KCNK12: variants seen among roughly 807,000 people sequenced by gnomAD.
The protein encoded by KCNK12 is potassium two pore domain channel subfamily K member 12.
Under a neutral mutation model 25.3 loss-of-function variants are expected in KCNK12, and 6 were observed. The ratio of observed to expected loss-of-function variants is 0.24; its 90% CI spans 0.13 to 0.47. The LOEUF is 0.47. KCNK12 is among the 20% of genes least tolerant of loss of function. The probability of loss-of-function intolerance (pLI) is 0.99; values close to 1 mark genes in which losing one functional copy is unlikely to be tolerated. For synonymous variants in KCNK12, 331 were observed against 311.1 expected (o/e 1.06, Z -0.67); for missense variants, 444 against 661.7 (o/e 0.67, Z 3.61).
chr2:47,554,825 G>T (rs750145666), intron 1 of KCNK12, among the ~76,000 whole-genome samples: 3 of 152,254 alleles, frequency 2.0e-5, no homozygotes, highest in Non-Finnish European at 4.4e-5. Context: ...AAATGATGGT[G>T]ACAGCTGGAG....
In KCNK12 at chr2:47,538,168, C is replaced by G. The variant is rs1669116227; in HGVS notation, c.392-16360G>C. On this transcript the variant is annotated intron_variant, in intron 1 of 1. Transcript: ENST00000327876. This position sits in a 1 kb window ranked among gnomAD's most constrained non-coding sequence, Gnocchi z 4.5. Reference sequence around the variant, plus strand: ...TAGGCCCTTGGGATTCAACAGTGATCTAAAAGACAAAGTCCCCTACCCTCA... The same window carrying G: ...TAGGCCCTTGGGATTCAACAGTGATGTAAAAGACAAAGTCCCCTACCCTCA... Among the ~76,000 whole-genome samples, 1 of 152,184 alleles carries G rather than the reference C, an allele frequency of 6.6e-6. No homozygotes were observed. Among genetic ancestry groups the G allele is most frequent in the Non-Finnish European group, 1.5e-5 (1 of 68,030 alleles).
chr2:47,523,357 G>T (rs1668702187), intron 1 of KCNK12, among the ~76,000 whole-genome samples: 1 of 152,196 alleles, frequency 6.6e-6, no homozygotes, highest in South Asian at 2.1e-4. Context: ...CTCAACCAAG[G>T]ATCACCATCA....
In KCNK12 at chr2:47,562,324, A is replaced by T. The variant is rs972152209; in HGVS notation, c.391+7617T>A. ...ACATTGTAAAATCTGCAATTACAAG[A>T]TTCTGGATGCTTCATCCTGAGGTCA... On this transcript the variant is annotated intron_variant, in intron 1 of 1. Transcript: ENST00000327876. The surrounding 1 kb of genome is among the most constrained non-coding windows in gnomAD (Gnocchi z 4.8). 3 of 386,938 alleles carry T rather than the reference A, an allele frequency of 7.8e-6. No homozygotes were observed. The highest frequency in any genetic ancestry group is 1.4e-5 in the Non-Finnish European group (3 of 219,262). 24.0% of individuals were successfully genotyped at this position (386,938 alleles called of 1,614,324 possible). A position where few individuals can be genotyped will look rare whatever the true frequency, so the allele number is the denominator to read the frequency against.
chr2:47,544,082 C>G (rs962802696), intron 1 of KCNK12, among the ~76,000 whole-genome samples: 1 of 152,210 alleles, frequency 6.6e-6, no homozygotes, highest in Non-Finnish European at 1.5e-5. Flanking sequence ...TGTCTCCTCT[C>G]TTTCTATTGG....
At chr2:47,521,887 C>T in intron 1 of KCNK12, 79 bp from the exon 2 acceptor site, 4 of 270,722 alleles carry the variant, frequency 1.5e-5, no homozygotes, top group Non-Finnish European at 2.6e-5. Flanking sequence ...GGTGTGGGGG[C>T]GGGGGCATGC....
chr2:47,526,219 AC>A (rs1668767736), intron 1 of KCNK12, among the ~76,000 whole-genome samples: 2 of 130,062 alleles, frequency 1.5e-5, no homozygotes, highest in Admixed American at 1.6e-4. Flanking sequence ...ATATGCAAAA[AC>A]CCCGTCTCTC....
In KCNK12 at chr2:47,569,539, G is replaced by A. The variant is rs548570069; in HGVS notation, c.391+402C>T. The stretch of plus-strand genomic sequence containing the variant: ...GGAGACTATGAAAAGAAATAAAAGC[G>A]CCGAGGGTGGAGGGAGAAGGGGCTT... On this transcript the variant is annotated intron_variant, in intron 1 of 1. Coordinates refer to ENST00000327876, the MANE Select transcript of KCNK12 (RefSeq NM_022055.2). The surrounding 1 kb of genome is among the most constrained non-coding windows in gnomAD (Gnocchi z 4.1). Among the ~76,000 whole-genome samples the A allele has an allele frequency of 6.6e-6, 1 of 152,190 alleles. No individual in the cohort carries two copies. Among genetic ancestry groups the A allele is most frequent in the Admixed American group, 6.5e-5 (1 of 15,290 alleles).
Position 47,519,518 on chromosome 2 carries a change from C to A in KCNK12, c.*1389G>T, listed in dbSNP as rs1287760759. 1 of 152,334 alleles carries A rather than the reference C, an allele frequency of 6.6e-6. No homozygotes were observed. Among genetic ancestry groups the A allele is most frequent in the East Asian group, 1.9e-4 (1 of 5,182 alleles). 9.4% of individuals were successfully genotyped at this position (152,334 alleles called of 1,614,324 possible). On this transcript the variant is annotated 3_prime_UTR_variant, in exon 2 of 2. Coordinates refer to ENST00000327876, the MANE Select transcript of KCNK12 (RefSeq NM_022055.2). The stretch of plus-strand genomic sequence containing the variant: ...TGGGCAGAGAGAGTGTTCGTTTACA[C>A]CCCCAGACCACTATCCTTTCAATGA...
chr2:47,512,679 T>C lies in KCNK12; in HGVS notation c.*8228A>G. The C allele has an allele frequency of 2.3e-6, 1 of 431,642 alleles. No homozygotes were observed. The highest frequency in any genetic ancestry group is 4.0e-5 in the East Asian group (1 of 24,822). 26.7% of individuals were successfully genotyped at this position (431,642 alleles called of 1,614,324 possible). A position where few individuals can be genotyped will look rare whatever the true frequency, so the allele number is the denominator to read the frequency against. On this transcript the variant is annotated 3_prime_UTR_variant, in exon 2 of 2. Transcript: ENST00000327876. The stretch of plus-strand genomic sequence containing the variant: ...TTGTACACCCACTGCCTCTGAACTC[T>C]GCTCTGCATTGCTGAGCAAACTACA...
chr2:47,562,811 CAG>C lies in KCNK12; in HGVS notation c.391+7128_391+7129del, dbSNP rs1170123222. 1.4e-4 allele frequency: 33 copies of C among 233,124 alleles called. No homozygotes were observed. The highest frequency in any genetic ancestry group is 2.6e-4 in the Non-Finnish European group (31 of 118,030). The allele number at this position is 233,124 out of a possible 1,614,324, so 14.4% of individuals were successfully genotyped here. On this transcript the variant is annotated intron_variant, in intron 1 of 1. Transcript: ENST00000327876. The surrounding 1 kb of genome is among the most constrained non-coding windows in gnomAD (Gnocchi z 4.8). ...CAACTCTCCCCGTGTAGAAACTCTGCAGAGAGTATGACCGTGTCTCTTAAAAA... is the reference window on the plus strand; with the variant it reads ...CAACTCTCCCCGTGTAGAAACTCTGCAGAGTATGACCGTGTCTCTTAAAAA...
In KCNK12 at chr2:47,560,899, C is replaced by G. The variant is rs1314117341; in HGVS notation, c.391+9042G>C. On this transcript the variant is annotated intron_variant, in intron 1 of 1. Coordinates refer to ENST00000327876, the MANE Select transcript of KCNK12 (RefSeq NM_022055.2). This position sits in a 1 kb window ranked among gnomAD's most constrained non-coding sequence, Gnocchi z 4.7. The stretch of plus-strand genomic sequence containing the variant: ...GCCTCCCCTGGCCCCAGATCCTGTC[C>G]TGCTCCGGGAGGCTTCTGCCTGGGA... Among the ~76,000 whole-genome samples the G allele has an allele frequency of 6.6e-6, 1 of 152,196 alleles. No individual in the cohort carries two copies. Among genetic ancestry groups the G allele is most frequent in the Non-Finnish European group, 1.5e-5 (1 of 68,038 alleles).
intron 1 of KCNK12, chr2:47,564,940 G>A (rs1669760317): frequency 6.6e-6 from 1 of 152,066 alleles, no homozygotes; most frequent in Non-Finnish European, 1.5e-5. Context: ...GGCTGGGGTA[G>A]CAGGATTGCT....
chr2:47,529,280 G>A lies in KCNK12; in HGVS notation c.392-7472C>T, dbSNP rs1668272983. On this transcript the variant is annotated intron_variant, in intron 1 of 1. Coordinates refer to ENST00000327876, the MANE Select transcript of KCNK12 (RefSeq NM_022055.2). The surrounding 1 kb of genome is among the most constrained non-coding windows in gnomAD (Gnocchi z 4.3). The stretch of plus-strand genomic sequence containing the variant: ...ACATGATTAAAATGCAGATTCCATG[G>A]CAGGTCCCGCTCAGAGGTTTATTTA... 1 of 152,204 alleles carries A rather than the reference G, an allele frequency of 6.6e-6. No individual in the cohort carries two copies. Among genetic ancestry groups the A allele is most frequent in the African/African-American group, 2.4e-5 (1 of 41,446 alleles). 9.4% of individuals were successfully genotyped at this position (152,204 alleles called of 1,614,324 possible). A position where few individuals can be genotyped will look rare whatever the true frequency, so the allele number is the denominator to read the frequency against.
chr2:47,509,533 G>A lies in KCNK12; in HGVS notation c.*11374C>T, dbSNP rs962786124. Among the ~76,000 whole-genome samples, 3 of 152,248 alleles carry A rather than the reference G, an allele frequency of 2.0e-5. No homozygotes were observed. Among genetic ancestry groups the A allele is most frequent in the African/African-American group, 2.4e-5 (1 of 41,462 alleles). Reference sequence around the variant, plus strand: ...GCCTGCTGTGTGCAGATGGTACCTGGTGCAGGATTGTGGTGTCCAGGTGTC... The same window carrying A: ...GCCTGCTGTGTGCAGATGGTACCTGATGCAGGATTGTGGTGTCCAGGTGTC... On this transcript the variant is annotated 3_prime_UTR_variant, in exon 2 of 2. Transcript: ENST00000327876.
At chr2:47,545,424 A>G (rs1299406515) in intron 1 of KCNK12, among the ~76,000 whole-genome samples, 1 of 152,220 alleles carries the variant, frequency 6.6e-6, no homozygotes, top group Non-Finnish European at 1.5e-5. Context: ...CCTGAAAGAA[A>G]CCAGGGAGGC....
intron 1 of KCNK12, among the ~76,000 whole-genome samples, chr2:47,558,809 G>A (rs1669602266): frequency 1.3e-5 from 2 of 152,248 alleles, no homozygotes; most frequent in African/African-American, 4.8e-5. Context: ...TGGAGGCATT[G>A]TGATGGTGCT....
At chr2:47,541,196 C>T (rs147902976) in intron 1 of KCNK12, among the ~76,000 whole-genome samples, 8 of 152,284 alleles carry the variant, frequency 5.3e-5, no homozygotes, top group African/African-American at 7.2e-5. Context: ...TTCATCCCTC[C>T]CTCTTTCCCT....
At position 47,556,104 on chromosome 2, in the gene KCNK12, G is replaced by A. The variant is rs971709506; in HGVS notation, c.391+13837C>T. ...GACTACTCTTCTCAGAAGCTTTCCTGTAAAGGAGGGCAGAGAAATGGGAAA... is the reference window on the plus strand; with the variant it reads ...GACTACTCTTCTCAGAAGCTTTCCTATAAAGGAGGGCAGAGAAATGGGAAA... On this transcript the variant is annotated intron_variant, in intron 1 of 1. Transcript: ENST00000327876. The surrounding 1 kb of genome is among the most constrained non-coding windows in gnomAD (Gnocchi z 4.8). 5.3e-5 allele frequency among the ~76,000 whole-genome samples: 8 copies of A among 152,198 alleles called. No individual in the cohort carries two copies. Among genetic ancestry groups the A allele is most frequent in the Admixed American group, 3.9e-4 (6 of 15,280 alleles).
intron 1 of KCNK12, among the ~76,000 whole-genome samples, chr2:47,550,268 C>G (rs1396498264): frequency 1.3e-5 from 2 of 150,940 alleles, no homozygotes; most frequent in Non-Finnish European, 2.9e-5. Flanking sequence ...GGAAACTACA[C>G]AAAGGCACAT....
Sources: gnomAD v4.1 joint callset for allele counts (sites outside exome capture counted in the v4.1 genomes callset) on GRCh38, gnomAD v4.1.1 for gene constraint, Gnocchi (gnomAD v3.1) non-coding constraint, MANE v1.5 for transcripts, NCBI Gene and HGNC (gene_info 2026-07-23, HGNC 2026-07-21) for gene names.